Variants in GPR137 observed in about 807,000 individuals in gnomAD.
The protein encoded by GPR137 is integral membrane protein GPR137.
A neutral mutation model predicts 38.9 loss-of-function variants in GPR137; 20 were observed. The observed-to-expected ratio is 0.51, with a 90% CI of 0.36 to 0.75. The LOEUF is 0.75. Ranked by LOEUF, GPR137 falls within the 30% of genes least tolerant of loss-of-function variation. The pLI is 0.00. For synonymous variants in GPR137, 226 were observed against 235.8 expected (o/e 0.96, Z 0.38); for missense variants, 456 against 526.4 (o/e 0.87, Z 1.31).
rs1225014658 is a variant in GPR137 at position 64,286,377 on chromosome 11, A to AGG, written c.-145_-144dup. Reference sequence around the variant, plus strand: ...GGCAAGGGTCTCTCTGTTGAGGAGGAGGGGCCTGTCAGCCACAACTTCTTT... The same window carrying AGG: ...GGCAAGGGTCTCTCTGTTGAGGAGGAGGGGGGCCTGTCAGCCACAACTTCTTT... On this transcript the variant is annotated 5_prime_UTR_variant, in exon 1 of 7. Transcript: ENST00000438980. 3.1e-4 allele frequency: 312 copies of AGG among 1,011,450 alleles called. 1 individual carries two copies. The African/African-American group carries it at 6.6e-3, about 21-fold the overall frequency. The allele number at this position is 1,011,450 out of a possible 1,614,324, so 62.7% of individuals were successfully genotyped here. A position where few individuals can be genotyped will look rare whatever the true frequency, so the allele number is the denominator to read the frequency against.
chr11:64,285,714 C>T (rs2033904610), upstream of GPR137: 8 of 985,384 alleles, frequency 8.1e-6, no homozygotes, highest in Non-Finnish European at 9.6e-6. Context: ...CCCGGGCGCC[C>T]GCCAGCGGCG....
chr11:64,286,295 G>C lies in GPR137; in HGVS notation c.-230G>C, dbSNP rs1473405975. The C allele has an allele frequency of 6.5e-6, 9 of 1,395,196 alleles. No homozygotes were observed. In the Admixed American group the frequency reaches 2.8e-4, roughly 43 times the overall value. 86.4% of individuals were successfully genotyped at this position (1,395,196 alleles called of 1,614,324 possible). On this transcript the variant is annotated 5_prime_UTR_variant, in exon 1 of 7. Coordinates refer to ENST00000438980, the MANE Select transcript of GPR137 (RefSeq NM_001170880.2). ...CGGTCTGTCCTGGAGAAAAGAGACT[G>C]CCCTTCCATGCCCCTGAGTGAGGGG...
Position 64,286,280 on chromosome 11 carries a change from T to G in GPR137, c.-245T>G. ...CCCCCAACCCCTATCCGGTCTGTCCTGGAGAAAAGAGACTGCCCTTCCATG... is the reference window on the plus strand; with the variant it reads ...CCCCCAACCCCTATCCGGTCTGTCCGGGAGAAAAGAGACTGCCCTTCCATG... On this transcript the variant is annotated 5_prime_UTR_variant, in exon 1 of 7. Transcript: ENST00000438980. The G allele has an allele frequency of 7.2e-7, 1 of 1,385,532 alleles. No individual in the cohort carries two copies. Among genetic ancestry groups the G allele is most frequent in the Non-Finnish European group, 9.3e-7 (1 of 1,074,140 alleles). 85.8% of individuals were successfully genotyped at this position (1,385,532 alleles called of 1,614,324 possible). A position where few individuals can be genotyped will look rare whatever the true frequency, so the allele number is the denominator to read the frequency against.
At chr11:64,280,208 T>C (rs1388946277), upstream of GPR137, among the ~76,000 whole-genome samples, 1 of 150,034 alleles carries the variant, frequency 6.7e-6, no homozygotes, top group Non-Finnish European at 1.5e-5. Flanking sequence ...TAGTCCGAGC[T>C]ACTCTGGAGG....
In GPR137 at chr11:64,286,812, G is replaced by C. The variant is rs1475464291; in HGVS notation, c.288G>C (p.Trp96Cys). ...ACCGCCTGGGGCCCTTGCCCTTCTG[G>C]CTTCTCTACTGCTGCCCCGTCTGCC... is the stretch of plus-strand genomic sequence containing the variant. ...RANRLGPLPF[W>C]LLYCCPVCLQ... Residue 96 changes from tryptophan (W) to cysteine (C), a missense_variant, in exon 1 of 7, where the codon TGG (tryptophan) becomes TGC (cysteine). Physicochemically the swap from Trp to Cys is radical, Grantham distance 215. Coordinates refer to ENST00000438980, the MANE Select transcript of GPR137 (RefSeq NM_001170880.2). 1.2e-6 allele frequency: 2 copies of C among 1,602,128 alleles called. No homozygotes were observed. Among genetic ancestry groups the C allele is most frequent in the Admixed American group, 1.7e-5 (1 of 59,330 alleles).
At chr11:64,273,077 A>T (rs1052872639), upstream of GPR137, among the ~76,000 whole-genome samples, 2 of 152,226 alleles carry the variant, frequency 1.3e-5, no homozygotes, top group Non-Finnish European at 2.9e-5. Flanking sequence ...TTAAAAAATT[A>T]ATAAAAGAAG....
chr11:64,277,106 A>G (rs964312991), intron 2 of GPR137: 22 of 660,976 alleles, frequency 3.3e-5, no homozygotes, highest in Non-Finnish European at 5.9e-5. Flanking sequence ...ACTGAATTGC[A>G]CACTTAATTA....
intron 2 of GPR137, 52 bp from the exon 3 acceptor site, chr11:64,287,669 G>T: frequency 6.3e-7 from 1 of 1,593,116 alleles, no homozygotes; most frequent in South Asian, 1.1e-5. Context: ...TGGGGCAGGT[G>T]GTGAGTGCTG....
At chr11:64,280,070 C>T (rs1249076778), upstream of GPR137, among the ~76,000 whole-genome samples, 1 of 151,824 alleles carries the variant, frequency 6.6e-6, no homozygotes, top group African/African-American at 2.4e-5. Flanking sequence ...GTAATCCCAG[C>T]ACTTTGGGAG....
chr11:64,284,340 C>T, upstream of GPR137: 1 of 1,612,990 alleles, frequency 6.2e-7, no homozygotes, highest in Non-Finnish European at 8.5e-7. Flanking sequence ...TTCCTGCTCA[C>T]TCGGCTCAAA....
chr11:64,287,743 G>T lies in GPR137; in HGVS notation c.430G>T (p.Val144Leu). ...CAGGCTCGCTGTCCGAGGGGCCTTT[G>T]TGGGGGCCTCGCTGCTCTTTCTGCT... ...RGLLAVRGAF[V>L]GASLLFLLVN... Residue 144 changes from valine to leucine, a missense_variant, in exon 3 of 7, where the codon GTG becomes TTG. Coordinates refer to ENST00000438980, the MANE Select transcript of GPR137 (RefSeq NM_001170880.2). 6.2e-7 allele frequency: 1 copy of T among 1,605,588 alleles called. No homozygotes were observed. The highest frequency in any genetic ancestry group is 8.5e-7 in the Non-Finnish European group (1 of 1,179,922).
Position 64,286,329 on chromosome 11 carries a change from C to T in GPR137, c.-196C>T, listed in dbSNP as rs1330139586. ...TGCCCCTGAGTGAGGGGCCTGGGGC[C>T]CAGGCTGCCTGTGTTCCCCAAGGGC... On this transcript the variant is annotated 5_prime_UTR_variant, in exon 1 of 7. Transcript: ENST00000438980. The T allele has an allele frequency of 2.8e-6, 4 of 1,407,982 alleles. No individual in the cohort carries two copies. The highest frequency in any genetic ancestry group is 2.8e-6 in the Non-Finnish European group (3 of 1,086,826). The allele number at this position is 1,407,982 out of a possible 1,614,324, so 87.2% of individuals were successfully genotyped here.
rs2034040032 is a variant in GPR137 at position 64,286,311 on chromosome 11, G to C, written c.-214G>C. The C allele has an allele frequency of 2.9e-6, 4 of 1,401,972 alleles. No homozygotes were observed. Among genetic ancestry groups the C allele is most frequent in the Middle Eastern group, 2.6e-4 (1 of 3,786 alleles). 86.8% of individuals were successfully genotyped at this position (1,401,972 alleles called of 1,614,324 possible). A position where few individuals can be genotyped will look rare whatever the true frequency, so the allele number is the denominator to read the frequency against. On this transcript the variant is annotated 5_prime_UTR_variant, in exon 1 of 7. Transcript: ENST00000438980. Reference sequence around the variant, plus strand: ...AAAGAGACTGCCCTTCCATGCCCCTGAGTGAGGGGCCTGGGGCCCAGGCTG... The same window carrying C: ...AAAGAGACTGCCCTTCCATGCCCCTCAGTGAGGGGCCTGGGGCCCAGGCTG...
At chr11:64,276,561 A>G (rs1281739720) in intron 2 of GPR137, 4 of 187,970 alleles carry the variant, frequency 2.1e-5, no homozygotes, top group Non-Finnish European at 3.3e-5. Context: ...TCCTGACCTC[A>G]GGCAATCCAA....
At chr11:64,270,622 A>G (rs1591124979) in exon 1 of GPR137, 1 of 654,742 alleles carries the variant, frequency 1.5e-6, no homozygotes, top group South Asian at 1.5e-5. Flanking sequence ...CACCCAGAAG[A>G]TGAGACCGCA....
exon 1 of GPR137, chr11:64,270,585 A>C (rs2032431865): frequency 1.4e-6 from 1 of 693,992 alleles, no homozygotes. Context: ...AGGGCCCTAA[A>C]TGGAAAGGCC....
At chr11:64,285,517 A>C, upstream of GPR137, 7 of 984,796 alleles carry the variant, frequency 7.1e-6, no homozygotes, top group Non-Finnish European at 8.4e-6. Flanking sequence ...AGACCGAGGG[A>C]CGGGAATCCG....
At chr11:64,282,881 GAAA>G (rs541902877), upstream of GPR137, among the ~76,000 whole-genome samples, 2 of 88,054 alleles carry the variant, frequency 2.3e-5, no homozygotes. Context: ...TCCGTCTCAG[GAAA>G]AAAAAAAAAA....
upstream of GPR137, chr11:64,271,587 C>T: frequency 7.1e-7 from 1 of 1,404,934 alleles, no homozygotes; most frequent in Non-Finnish European, 9.3e-7. Context: ...ACTTCAGGTC[C>T]TGGCACGCTG....
Sources: allele counts gnomAD v4.1 joint callset (sites outside exome capture counted in the v4.1 genomes callset), GRCh38; gene constraint gnomAD v4.1.1; transcripts MANE v1.5; gene names NCBI Gene and HGNC (gene_info 2026-07-23, HGNC 2026-07-21).